Variants in EXOC4 observed in about 807,000 individuals in gnomAD.
EXOC4 encodes SEC8-like 1.
In EXOC4, 71 loss-of-function variants were observed where a neutral mutation model predicts 107.2. The observed-to-expected ratio is 0.66, with a 90% CI of 0.55 to 0.81. The LOEUF (loss-of-function observed/expected upper bound fraction) is 0.81. EXOC4 is among the 30% of genes least tolerant of loss of function. EXOC4 has a pLI of 0.00. For synonymous variants in EXOC4, 456 were observed against 441.2 expected (o/e 1.03, Z -0.42); for missense variants, 1,108 against 1,189.6 (o/e 0.93, Z 1.01).
At chr7:133,455,362 G>A (rs554162729) in intron 7 of EXOC4, among the ~76,000 whole-genome samples, 16 of 152,020 alleles carry the variant, frequency 1.1e-4, no homozygotes, top group East Asian at 5.8e-4. Context: ...GACTAAAACC[G>A]TGGAAAGCAA....
In EXOC4 at chr7:133,855,094, T is replaced by TATATCTAA. The variant is rs1554409756; in HGVS notation, c.1734+37554_1734+37555insCTAAATAT. Reference sequence around the variant, plus strand: ...CTAAATATATCTAAATATATATAAATATATATATAAATATATATAAATATA... The same window carrying TATATCTAA: ...CTAAATATATCTAAATATATATAAATATATCTAAATATATATAAATATATATAAATATA... On this transcript the variant is annotated intron_variant, in intron 11 of 17. Transcript: ENST00000253861. Among the ~76,000 whole-genome samples, 52 of 84,374 alleles carry TATATCTAA rather than the reference T, an allele frequency of 6.2e-4. 2 individuals carry two copies. Among genetic ancestry groups the TATATCTAA allele is most frequent in the African/African-American group, 1.0e-3 (17 of 16,692 alleles). 55.4% of individuals were successfully genotyped at this position (84,374 alleles called of 152,430 possible).
intron 10 of EXOC4, among the ~76,000 whole-genome samples, chr7:133,783,625 T>G (rs2151176046): frequency 6.6e-6 from 1 of 152,352 alleles, no homozygotes; most frequent in Non-Finnish European, 1.5e-5. Context: ...TTCGGTGAAC[T>G]GTGTGGAGAG....
At chr7:133,932,287 A>G (rs1362794015) in intron 13 of EXOC4, among the ~76,000 whole-genome samples, 1 of 152,206 alleles carries the variant, frequency 6.6e-6, no homozygotes, top group Non-Finnish European at 1.5e-5. Flanking sequence ...AGCACTGTCA[A>G]GGGGTCTATG....
intron 10 of EXOC4, among the ~76,000 whole-genome samples, chr7:133,767,774 C>T (rs1182851727): frequency 6.6e-6 from 1 of 151,896 alleles, no homozygotes; most frequent in Admixed American, 6.6e-5. Context: ...AGCTACTGAA[C>T]CATTATTTTG....
intron 9 of EXOC4, among the ~76,000 whole-genome samples, chr7:133,613,595 A>G (rs1802122182): frequency 6.6e-6 from 1 of 151,560 alleles, no homozygotes; most frequent in African/African-American, 2.4e-5. Flanking sequence ...GGGGAAAGTC[A>G]TGACATTACA....
chr7:133,830,962 T>TTTTGTTTG (rs368634443), intron 11 of EXOC4, among the ~76,000 whole-genome samples: 5,720 of 152,120 alleles, frequency 0.038, 369 homozygotes, highest in African/African-American at 0.13. Context: ...TTGACAGTTT[T>TTTTGTTTG]TTTGTTTGTT....
intron 3 of EXOC4, among the ~76,000 whole-genome samples, chr7:133,293,170 C>T (rs1219504632): frequency 6.6e-6 from 1 of 152,098 alleles, no homozygotes; most frequent in Non-Finnish European, 1.5e-5. Flanking sequence ...TCCCAATAAA[C>T]AATGATTTGT....
At chr7:133,307,545 T>A (rs1233049177) in intron 4 of EXOC4, among the ~76,000 whole-genome samples, 2 of 152,176 alleles carry the variant, frequency 1.3e-5, no homozygotes, top group African/African-American at 4.8e-5. Context: ...TTTAAAAAAA[T>A]TTCTGTAAAG....
intron 9 of EXOC4, among the ~76,000 whole-genome samples, chr7:133,528,002 TG>T (rs1425888319): frequency 6.6e-6 from 1 of 152,200 alleles, no homozygotes; most frequent in Non-Finnish European, 1.5e-5. Context: ...CACAGACTGT[TG>T]GGTACCATCC....
chr7:134,073,584 G>A, the EXOC4 span, among the ~76,000 whole-genome samples: 1 of 152,008 alleles, frequency 6.6e-6, no homozygotes, highest in Non-Finnish European at 1.5e-5. Flanking sequence ...TTTCTACCTT[G>A]GCTGAGGAAT....
intron 11 of EXOC4, among the ~76,000 whole-genome samples, chr7:133,825,147 C>T (rs181625051): frequency 2.7e-5 from 4 of 149,484 alleles, no homozygotes; most frequent in Admixed American, 6.7e-5. Flanking sequence ...GCCAGGAATT[C>T]GAGACCAGCC....
At chr7:134,016,542 TAACTTCTCC>T in intron 17 of EXOC4, among the ~76,000 whole-genome samples, 1 of 152,238 alleles carries the variant, frequency 6.6e-6, no homozygotes, top group Non-Finnish European at 1.5e-5. Flanking sequence ...TTTCTCACGT[TAACTTCTCC>T]AACTCTTTTA....
At chr7:133,343,966 C>T (rs1795726920) in intron 5 of EXOC4, among the ~76,000 whole-genome samples, 1 of 151,952 alleles carries the variant, frequency 6.6e-6, no homozygotes, top group African/African-American at 2.4e-5. Flanking sequence ...TGAGCAACCA[C>T]ATTTGGCCAA....
chr7:133,739,222 TTGTGTGTGTGTGTGTGTGTG>T (rs72444310), intron 10 of EXOC4, among the ~76,000 whole-genome samples: 2 of 142,308 alleles, frequency 1.4e-5, no homozygotes, highest in East Asian at 2.1e-4. Flanking sequence ...GTAGAGGGGT[TTGTGTGTGTGTGTGTGTGTG>T]TGTGTGTGTG....
chr7:133,696,363 T>C (rs1768086376), intron 10 of EXOC4, among the ~76,000 whole-genome samples: 1 of 152,134 alleles, frequency 6.6e-6, no homozygotes, highest in South Asian at 2.1e-4. Flanking sequence ...GATTTAGGGC[T>C]TAAAGGTCAT....
chr7:133,974,402 A>G (rs1793781450), intron 14 of EXOC4, among the ~76,000 whole-genome samples: 1 of 152,228 alleles, frequency 6.6e-6, no homozygotes, highest in African/African-American at 2.4e-5. Context: ...TCTAAATACA[A>G]ACAACTAAAG....
At chr7:133,642,055 A>G (rs1015467116) in intron 10 of EXOC4, among the ~76,000 whole-genome samples, 1 of 152,206 alleles carries the variant, frequency 6.6e-6, no homozygotes, top group African/African-American at 2.4e-5. Flanking sequence ...TGACATGTTG[A>G]TTTTAAAAAT....
intron 5 of EXOC4, among the ~76,000 whole-genome samples, chr7:133,323,436 T>C (rs1795162117): frequency 6.6e-6 from 1 of 152,218 alleles, no homozygotes; most frequent in African/African-American, 2.4e-5. Context: ...TGTTGAATTT[T>C]GTCAAAGGCC....
At chr7:133,895,389 CT>C (rs1799281681) in intron 11 of EXOC4, among the ~76,000 whole-genome samples, 1 of 152,142 alleles carries the variant, frequency 6.6e-6, no homozygotes, top group Non-Finnish European at 1.5e-5. Flanking sequence ...CACCCGTCTT[CT>C]GCGTCGCTCA....
Sources: allele counts gnomAD v4.1 joint callset (sites outside exome capture counted in the v4.1 genomes callset), GRCh38; gene constraint gnomAD v4.1.1; transcripts MANE v1.5; gene names NCBI Gene and HGNC (gene_info 2026-07-23, HGNC 2026-07-21).